BRSK2: variants seen among roughly 807,000 people sequenced by gnomAD.
BRSK2 encodes BR serine/threonine kinase 2.
Under a neutral mutation model 83.3 loss-of-function variants are expected in BRSK2, and 19 were observed. The observed-to-expected ratio is 0.23, with a 90% CI of 0.16 to 0.33. The LOEUF is 0.33. Ranked by LOEUF, BRSK2 falls within the 10% of genes least tolerant of loss-of-function variation. BRSK2 has a pLI of 1.00. For missense variants in BRSK2, 798 were observed against 1,042.3 expected, an observed-to-expected ratio of 0.77 and a Z score of 3.23; for synonymous variants, 519 against 435.4, an observed-to-expected ratio of 1.19 and a Z score of -2.39.
At chr11:1,404,676 C>G (rs936125268) in intron 1 of BRSK2, among the ~76,000 whole-genome samples, 1 of 152,214 alleles carries the variant, frequency 6.6e-6, no homozygotes, top group Admixed American at 6.5e-5. Context: ...GGGACAGATG[C>G]TAACGTTTGG....
intron 19 of BRSK2, 47 bp from the exon 20 acceptor site, chr11:1,460,453 C>CTTCTTTTT: frequency 3.5e-6 from 4 of 1,143,924 alleles, no homozygotes; most frequent in Non-Finnish European, 4.4e-6. Flanking sequence ...CCTTTTTTTT[C>CTTCTTTTT]TTTTTTCCTT....
intron 1 of BRSK2, among the ~76,000 whole-genome samples, chr11:1,408,162 C>T (rs951558414): frequency 4.6e-5 from 7 of 152,244 alleles, no homozygotes; most frequent in African/African-American, 9.6e-5. Flanking sequence ...GGCCTGGCCT[C>T]GGGCCCCAGC....
chr11:1,395,171 G>A (rs923127767), intron 1 of BRSK2, among the ~76,000 whole-genome samples: 3 of 152,198 alleles, frequency 2.0e-5, no homozygotes, highest in Non-Finnish European at 2.9e-5. Flanking sequence ...GACCCCAGCT[G>A]TTTTGTCAGG....
chr11:1,449,588 G>T (rs1845552696), intron 12 of BRSK2, among the ~76,000 whole-genome samples, 188 bp from the exon 13 acceptor site: 1 of 152,126 alleles, frequency 6.6e-6, no homozygotes, highest in African/African-American at 2.4e-5. Flanking sequence ...GGCCCCAGTG[G>T]GGCTGGGCAC....
Position 1,443,353 on chromosome 11 carries a change from C to T in BRSK2, c.583C>T (p.Arg195Trp), listed in dbSNP as rs1341160148. Residue 195 changes from arginine to tryptophan, a missense_variant, in exon 7 of 20, where the codon CGG (arginine) becomes TGG (tryptophan). By Grantham distance (101) the Arg-to-Trp change is moderately radical (BLOSUM62 -3). Coordinates refer to ENST00000528841, the MANE Select transcript of BRSK2 (RefSeq NM_001256627.2). The part of the protein sequence containing the change: ...EVIRGEKYDG[R>W]KADVWSCGVI... ...TCCACAGGGGGAGAAGTATGACGGCCGGAAGGCGGACGTGTGGAGCTGCGG... is the reference window on the plus strand; with the variant it reads ...TCCACAGGGGGAGAAGTATGACGGCTGGAAGGCGGACGTGTGGAGCTGCGG... 3.1e-6 allele frequency: 5 copies of T among 1,608,338 alleles called. No homozygotes were observed. The highest frequency in any genetic ancestry group is 4.2e-6 in the Non-Finnish European group (5 of 1,178,434).
At chr11:1,406,339 G>C (rs1180665009) in intron 1 of BRSK2, among the ~76,000 whole-genome samples, 1 of 152,240 alleles carries the variant, frequency 6.6e-6, no homozygotes, top group Non-Finnish European at 1.5e-5. Flanking sequence ...GGGCATGGTG[G>C]TGGGTGCCTG....
At chr11:1,440,996 C>T in intron 4 of BRSK2, 68 bp downstream of exon 4, 1 of 1,375,970 alleles carries the variant, frequency 7.3e-7, no homozygotes, top group South Asian at 1.2e-5. Flanking sequence ...ACCACAGATG[C>T]CCCCTGTGCC....
At chr11:1,403,999 G>C (rs1352609421) in intron 1 of BRSK2, among the ~76,000 whole-genome samples, 1 of 152,216 alleles carries the variant, frequency 6.6e-6, no homozygotes, top group Non-Finnish European at 1.5e-5. Flanking sequence ...GCCTGGCCTG[G>C]AGTTGTACCC....
In BRSK2 at chr11:1,389,958, T is replaced by A. The variant is rs1423151356; in HGVS notation, c.-327T>A. 1 of 148,522 alleles carries A rather than the reference T, an allele frequency of 6.7e-6. No homozygotes were observed. The highest frequency in any genetic ancestry group is 1.5e-5 in the Non-Finnish European group (1 of 66,492). 9.2% of individuals were successfully genotyped at this position (148,522 alleles called of 1,614,324 possible). On this transcript the variant is annotated 5_prime_UTR_variant, in exon 1 of 20. Coordinates refer to ENST00000528841, the MANE Select transcript of BRSK2 (RefSeq NM_001256627.2). The surrounding 1 kb of genome is among the most constrained non-coding windows in gnomAD (Gnocchi z 4.1). The stretch of plus-strand genomic sequence containing the variant: ...CGGCTCGGCTCGGCTGCGCGGCCGC[T>A]GACGGGCGTGCGCTGGGGGCGCGGG...
intron 18 of BRSK2, chr11:1,457,005 C>T: frequency 6.3e-7 from 1 of 1,596,546 alleles, no homozygotes; most frequent in Non-Finnish European, 8.5e-7. Flanking sequence ...GCTTAAGGGC[C>T]AGAAGGTGGC....
chr11:1,454,270 G>A lies in BRSK2; in HGVS notation c.1545-215G>A. The A allele has an allele frequency of 1.9e-6, 1 of 531,404 alleles. No individual in the cohort carries two copies. The highest frequency in any genetic ancestry group is 3.4e-5 in the East Asian group (1 of 29,798). 32.9% of individuals were successfully genotyped at this position (531,404 alleles called of 1,614,324 possible). A position where few individuals can be genotyped will look rare whatever the true frequency, so the allele number is the denominator to read the frequency against. ...AGGGCTTGGAGAAAGGTTAGGGTTGGGGTTGGGGTTAGAGCCACGGTGATG... is the reference window on the plus strand; with the variant it reads ...AGGGCTTGGAGAAAGGTTAGGGTTGAGGTTGGGGTTAGAGCCACGGTGATG... On this transcript the variant is annotated intron_variant, in intron 15 of 19. Transcript: ENST00000528841. This position sits in a 1 kb window ranked among gnomAD's most constrained non-coding sequence, Gnocchi z 5.2.
intron 15 of BRSK2, among the ~76,000 whole-genome samples, chr11:1,452,796 C>A (rs1239530092): frequency 6.6e-6 from 1 of 152,034 alleles, no homozygotes; most frequent in Non-Finnish European, 1.5e-5. Flanking sequence ...GAGGGTCCTG[C>A]ACAGACGCCT....
intron 1 of BRSK2, among the ~76,000 whole-genome samples, chr11:1,415,236 A>AG (rs1847975467): frequency 6.6e-6 from 1 of 151,762 alleles, no homozygotes; most frequent in African/African-American, 2.4e-5. Context: ...CTGGGACTAC[A>AG]GGCGCTCACC....
intron 1 of BRSK2, among the ~76,000 whole-genome samples, chr11:1,404,847 G>T (rs900655547): frequency 6.6e-6 from 1 of 152,180 alleles, no homozygotes; most frequent in African/African-American, 2.4e-5. Flanking sequence ...AGGCTCGCCG[G>T]GCTGGGGGCA....
chr11:1,404,613 G>C (rs1206656904), intron 1 of BRSK2, among the ~76,000 whole-genome samples: 1 of 152,210 alleles, frequency 6.6e-6, no homozygotes, highest in Non-Finnish European at 1.5e-5. Flanking sequence ...GGAGGTGGAT[G>C]CCCTGCCCTG....
At chr11:1,446,071 G>GGGCTGGGAGCTGA (rs748851581) in intron 12 of BRSK2, among the ~76,000 whole-genome samples, 164 bp downstream of exon 12, 11 of 144,176 alleles carry the variant, frequency 7.6e-5, no homozygotes, top group African/African-American at 2.7e-4. Context: ...GGCTGGGCTT[G>GGGCTGGGAGCTGA]GCTGGGCTGG....
In BRSK2 at chr11:1,390,838, G is replaced by T. The variant is rs1007231445; in HGVS notation, c.91+463G>T. ...TCCCACCTCCGCGCGCCGGCCACCG[G>T]GGCCTCCGGGCAGGCCCGATCTCCC... On this transcript the variant is annotated intron_variant, in intron 1 of 19. Transcript: ENST00000528841. The surrounding 1 kb of genome is among the most constrained non-coding windows in gnomAD (Gnocchi z 6.8). Among the ~76,000 whole-genome samples the T allele has an allele frequency of 6.6e-6, 1 of 152,152 alleles. No individual in the cohort carries two copies. Among genetic ancestry groups the T allele is most frequent in the Non-Finnish European group, 1.5e-5 (1 of 67,988 alleles).
In BRSK2 at chr11:1,459,187, T is replaced by G; in HGVS notation, c.1940-5T>G. ...CCTCCCTCCTCTCTCCATTCTGTAC[T>G]CCAGACACCACTAACTGTATGGAAA... is the stretch of plus-strand genomic sequence containing the variant. On this transcript the variant is annotated splice_polypyrimidine_tract_variant and splice_region_variant and intron_variant, in intron 18 of 19. Coordinates refer to ENST00000528841, the MANE Select transcript of BRSK2 (RefSeq NM_001256627.2). 6.2e-7 allele frequency: 1 copy of G among 1,613,662 alleles called. No individual in the cohort carries two copies. Among genetic ancestry groups the G allele is most frequent in the Non-Finnish European group, 8.5e-7 (1 of 1,179,746 alleles).
chr11:1,443,977 G>C (rs1234821105), intron 8 of BRSK2, among the ~76,000 whole-genome samples: 1 of 152,154 alleles, frequency 6.6e-6, no homozygotes, highest in Non-Finnish European at 1.5e-5. Flanking sequence ...GGGGTACCCA[G>C]GCACATGCCC....
Sources: gnomAD v4.1 joint callset for allele counts (sites outside exome capture counted in the v4.1 genomes callset) on GRCh38, gnomAD v4.1.1 for gene constraint, Gnocchi (gnomAD v3.1) non-coding constraint, MANE v1.5 for transcripts, NCBI Gene and HGNC (gene_info 2026-07-23, HGNC 2026-07-21) for gene names.